Variants in UBE3A observed in about 807,000 individuals in gnomAD.
UBE3A encodes the protein ubiquitin protein ligase E3A.
Under a neutral mutation model 83.4 loss-of-function variants are expected in UBE3A, and 6 were observed. The ratio of observed to expected loss-of-function variants is 0.07; its 90% CI spans 0.04 to 0.14. UBE3A has a LOEUF of 0.14. Among genes scored for constraint, UBE3A ranks in the 10% least tolerant of loss-of-function variants. The pLI is 1.00. For missense variants in UBE3A, 456 were observed against 1,036.1 expected, an observed-to-expected ratio of 0.44 and a Z score of 7.69; for synonymous variants, 337 against 355.4, an observed-to-expected ratio of 0.95 and a Z score of 0.58.
chr15:25,362,148 T>C (rs2078219390), intron 6 of UBE3A, among the ~76,000 whole-genome samples: 1 of 152,210 alleles, frequency 6.6e-6, no homozygotes. Flanking sequence ...AAGCATGTAC[T>C]GGGATGCTAT....
At chr15:25,412,122 T>G (rs2090108636) in intron 1 of UBE3A, among the ~76,000 whole-genome samples, 151 bp from the exon 2 acceptor site, 1 of 152,148 alleles carries the variant, frequency 6.6e-6, no homozygotes, top group South Asian at 2.1e-4. Flanking sequence ...TTACTGCTGT[T>G]GCCGGGATGA....
rs928636858 is a variant in UBE3A, at chr15:25,338,540, G to A, written c.*597C>T. 2.0e-5 allele frequency: 3 copies of A among 151,834 alleles called. No individual in the cohort carries two copies. Among genetic ancestry groups the A allele is most frequent in the African/African-American group, 7.3e-5 (3 of 41,320 alleles). The allele number at this position is 151,834 out of a possible 1,614,324, so 9.4% of individuals were successfully genotyped here. The stretch of plus-strand genomic sequence containing the variant: ...TCTTTCTTTATTGATTGATTCTCAA[G>A]ATTTTGCACAGAAAACTCTTTGGGG... On this transcript the variant is annotated 3_prime_UTR_variant, in exon 13 of 13. Coordinates refer to ENST00000648336, the MANE Select transcript of UBE3A (RefSeq NM_130839.5).
intron 4 of UBE3A, among the ~76,000 whole-genome samples, chr15:25,389,849 C>T (rs928200316): frequency 3.3e-5 from 5 of 152,178 alleles, no homozygotes; most frequent in Non-Finnish European, 7.3e-5. Flanking sequence ...GACTGTGCCA[C>T]TGTACTGCAA....
intron 1 of UBE3A, among the ~76,000 whole-genome samples, chr15:25,414,281 G>T (rs977593697): frequency 3.6e-4 from 54 of 151,990 alleles, no homozygotes; most frequent in Admixed American, 1.9e-3. Flanking sequence ...CACTGTGTAG[G>T]TTGATACTTG....
chr15:25,391,389 A>G (rs969801376), intron 4 of UBE3A, among the ~76,000 whole-genome samples: 1 of 152,236 alleles, frequency 6.6e-6, no homozygotes, highest in East Asian at 1.9e-4. Flanking sequence ...TTTCTGTTTT[A>G]CAAGATGAAA....
chr15:25,421,733 A>C (rs1889871545), intron 1 of UBE3A, among the ~76,000 whole-genome samples: 1 of 152,156 alleles, frequency 6.6e-6, no homozygotes, highest in Admixed American at 6.5e-5. Context: ...GTATTTTAGT[A>C]CCACTTAAAA....
Position 25,369,985 on chromosome 15 carries a change from A to AATT in UBE3A, c.1608+578_1608+580dup, listed in dbSNP as rs1209867157. Among the ~76,000 whole-genome samples the AATT allele has an allele frequency of 7.2e-5, 11 of 152,234 alleles. No individual in the cohort carries two copies. The East Asian group carries it at 1.9e-3, about 27-fold the overall frequency. Reference sequence around the variant, plus strand: ...TCCAAGACCCAGAGTTGTCTCTATGAATTTTTAAGTGGGAAGAAACTACCA... The same window carrying AATT: ...TCCAAGACCCAGAGTTGTCTCTATGAATTATTTTTAAGTGGGAAGAAACTACCA... On this transcript the variant is annotated intron_variant, in intron 6 of 12. Coordinates refer to ENST00000648336, the MANE Select transcript of UBE3A (RefSeq NM_130839.5).
chr15:25,429,724 G>C (rs1438686830), intron 1 of UBE3A, among the ~76,000 whole-genome samples: 2 of 151,912 alleles, frequency 1.3e-5, no homozygotes, highest in Admixed American at 1.3e-4. Flanking sequence ...AATGTAATAG[G>C]ATTGGTGTGG....
Position 25,409,364 on chromosome 15 carries a change from AT to A in UBE3A, c.-100-158del, listed in dbSNP as rs1281615802. 4.1e-5 allele frequency: 16 copies of A among 394,190 alleles called. No individual in the cohort carries two copies. The East Asian group carries it at 5.3e-4, about 13-fold the overall frequency. The allele number at this position is 394,190 out of a possible 1,614,324, so 24.4% of individuals were successfully genotyped here. On this transcript the variant is annotated intron_variant, in intron 2 of 12. Coordinates refer to ENST00000648336, the MANE Select transcript of UBE3A (RefSeq NM_130839.5). ...AAGTTTTTAAGGACTATTTTCCAGCATTTTGTTTTTCTTAAATGATCTCTTC... is the reference window on the plus strand; with the variant it reads ...AAGTTTTTAAGGACTATTTTCCAGCATTTGTTTTTCTTAAATGATCTCTTC...
intron 12 of UBE3A, 65 bp from the exon 13 acceptor site, chr15:25,339,322 A>C (rs1175923817): frequency 4.4e-5 from 70 of 1,579,134 alleles, no homozygotes; most frequent in Non-Finnish European, 6.0e-5. Context: ...CTTAGAATTA[A>C]ATGCTCCTAT....
At chr15:25,405,273 C>T (rs2088220653) in intron 4 of UBE3A, among the ~76,000 whole-genome samples, 188 bp downstream of exon 4, 1 of 152,004 alleles carries the variant, frequency 6.6e-6, no homozygotes. Context: ...TAGTAGAAAC[C>T]TAGTAAACTG....
chr15:25,415,654 A>T (rs2090754413), intron 1 of UBE3A: 1 of 152,142 alleles, frequency 6.6e-6, no homozygotes, highest in African/African-American at 2.4e-5. Context: ...CTTATTATAC[A>T]TTCTTAATAC....
In UBE3A at chr15:25,341,138, C is replaced by T. The variant is rs578187412; in HGVS notation, c.2355-910G>A. On this transcript the variant is annotated intron_variant, in intron 11 of 12. Transcript: ENST00000648336. ...AGGCTGGAGTGCAGTGGCGCGATCT[C>T]GGCTCATTGCAAGCTCCGCCTCCTG... Among the ~76,000 whole-genome samples, 16 of 151,756 alleles carry T rather than the reference C, an allele frequency of 1.1e-4. No homozygotes were observed. The East Asian group carries it at 2.4e-3, about 22-fold the overall frequency.
At chr15:25,369,985 A>G (rs1297292892) in intron 6 of UBE3A, among the ~76,000 whole-genome samples, 1 of 152,234 alleles carries the variant, frequency 6.6e-6, no homozygotes, top group East Asian at 1.9e-4. Context: ...TGTCTCTATG[A>G]ATTTTTAAGT....
At position 25,339,090 on chromosome 15, in the gene UBE3A, CTTTTT is replaced by C. The variant is rs368425414; in HGVS notation, c.*42_*46del. 1.4e-6 allele frequency: 2 copies of C among 1,461,892 alleles called. No homozygotes were observed. The highest frequency in any genetic ancestry group is 2.8e-5 in the Admixed American group (1 of 35,838). The allele number at this position is 1,461,892 out of a possible 1,614,324, so 90.6% of individuals were successfully genotyped here. A position where few individuals can be genotyped will look rare whatever the true frequency, so the allele number is the denominator to read the frequency against. Reference sequence around the variant, plus strand: ...ATTTTTAAAATTTTTTAAATTTTTTCTTTTTTTTTCCTTCCTTTTTTTTGTTTTAT... The same window carrying C: ...ATTTTTAAAATTTTTTAAATTTTTTCTTTTCCTTCCTTTTTTTTGTTTTAT... On this transcript the variant is annotated 3_prime_UTR_variant, in exon 13 of 13. Transcript: ENST00000648336.
chr15:25,341,046 A>C, intron 11 of UBE3A, among the ~76,000 whole-genome samples: 1 of 152,206 alleles, frequency 6.6e-6, no homozygotes, highest in East Asian at 1.9e-4. Flanking sequence ...TCTATAAAAC[A>C]TATATACACT....
At chr15:25,420,825 AAAG>A (rs1889436539) in intron 1 of UBE3A, 2 of 152,328 alleles carry the variant, frequency 1.3e-5, no homozygotes, top group East Asian at 1.9e-4. Flanking sequence ...AAAAGAATTA[AAAG>A]AAGGGACTCA....
At chr15:25,347,908 AAATT>A (rs1188595607) in intron 11 of UBE3A, among the ~76,000 whole-genome samples, 1 of 152,218 alleles carries the variant, frequency 6.6e-6, no homozygotes, top group Non-Finnish European at 1.5e-5. Context: ...CTAAATAAAA[AAATT>A]AAAAGGCAGA....
At chr15:25,388,239 T>G (rs542512283) in intron 4 of UBE3A, among the ~76,000 whole-genome samples, 5 of 152,316 alleles carry the variant, frequency 3.3e-5, no homozygotes, top group Non-Finnish European at 7.4e-5. Context: ...GCAAACTAAA[T>G]TTTACTACAA....
Sources: allele counts gnomAD v4.1 joint callset (sites outside exome capture counted in the v4.1 genomes callset), GRCh38; gene constraint gnomAD v4.1.1; transcripts MANE v1.5; gene names NCBI Gene and HGNC (gene_info 2026-07-23, HGNC 2026-07-21).